The following ASXL3 variants were observed in gnomAD, a reference collection of about 807,000 sequenced individuals.
The protein encoded by ASXL3 is ASXL transcriptional regulator 3.
In ASXL3, 34 loss-of-function variants were observed where a neutral mutation model predicts 170.6. The observed-to-expected ratio is 0.20, with a 90% confidence interval of 0.15 to 0.27. ASXL3 has a LOEUF of 0.27. Among genes scored for constraint, ASXL3 ranks in the 10% least tolerant of loss-of-function variants. ASXL3 has a pLI of 1.00. For missense variants in ASXL3, 2,592 were observed against 2,695.3 expected, an observed-to-expected ratio of 0.96 and a Z score of 0.85; for synonymous variants, 1,002 against 989.1, an observed-to-expected ratio of 1.01 and a Z score of -0.24.
intron 4 of ASXL3, among the ~76,000 whole-genome samples, chr18:33,651,241 T>A (rs569895958): frequency 7.2e-5 from 11 of 152,180 alleles, no homozygotes; most frequent in Non-Finnish European, 1.5e-4. Flanking sequence ...AATTCAATAA[T>A]AGATTTCAGG....
chr18:33,729,691 T>C (rs1223648080), intron 8 of ASXL3, among the ~76,000 whole-genome samples: 1 of 152,132 alleles, frequency 6.6e-6, no homozygotes, highest in Non-Finnish European at 1.5e-5. Flanking sequence ...GCTGTGCCAG[T>C]CTCAAGCTGG....
intron 6 of ASXL3, among the ~76,000 whole-genome samples, chr18:33,671,505 A>G (rs536712867): frequency 1.3e-5 from 2 of 152,306 alleles, no homozygotes; most frequent in South Asian, 2.1e-4. Context: ...TTTAAAAGCT[A>G]TCAGATCAAT....
chr18:33,733,206 C>T (rs1045266128), intron 9 of ASXL3, among the ~76,000 whole-genome samples: 1 of 151,988 alleles, frequency 6.6e-6, no homozygotes, highest in African/African-American at 2.4e-5. Context: ...TTGCCTAATC[C>T]CCCTACTCCT....
intron 8 of ASXL3, among the ~76,000 whole-genome samples, chr18:33,706,906 A>G (rs1320196668): frequency 6.6e-6 from 1 of 151,870 alleles, no homozygotes; most frequent in Admixed American, 6.6e-5. Flanking sequence ...CTACATTTAG[A>G]TTTATATCTA....
At chr18:33,707,410 C>T (rs2066978677) in intron 8 of ASXL3, among the ~76,000 whole-genome samples, 1 of 151,824 alleles carries the variant, frequency 6.6e-6, no homozygotes, top group African/African-American at 2.4e-5. Flanking sequence ...TTTCATAGTT[C>T]CCTTAGGAAA....
intron 5 of ASXL3, among the ~76,000 whole-genome samples, chr18:33,668,790 A>G (rs2066297447): frequency 1.3e-5 from 2 of 152,098 alleles, no homozygotes; most frequent in South Asian, 2.1e-4. Flanking sequence ...ATTATTATTT[A>G]CCACAAATGC....
At chr18:33,592,121 C>T (rs564395555) in intron 1 of ASXL3, among the ~76,000 whole-genome samples, 11 of 152,026 alleles carry the variant, frequency 7.2e-5, no homozygotes, top group African/African-American at 1.4e-4. Flanking sequence ...AGGTGCTAGT[C>T]GTAGGCAGTT....
chr18:33,740,045 T>G lies in ASXL3; in HGVS notation c.2641T>G (p.Leu881Val). 1 of 1,613,860 alleles carries G rather than the reference T, an allele frequency of 6.2e-7. No homozygotes were observed. Among genetic ancestry groups the G allele is most frequent in the South Asian group, 1.1e-5 (1 of 91,072 alleles). ...RTEKKVLPSP[L>V]ELSVFSEGTD... ...AGAAAAAAAAGTGTTACCTTCACCA[T>G]TGGAATTATCTGTCTTTTCTGAAGG... Residue 881 changes from leucine (L) to valine (V), a missense_variant, in exon 11 of 12, where the codon TTG becomes GTG. Transcript: ENST00000269197.
intron 7 of ASXL3, among the ~76,000 whole-genome samples, chr18:33,676,068 CA>C (rs2066422942): frequency 6.6e-6 from 1 of 151,062 alleles, no homozygotes; most frequent in Admixed American, 6.6e-5. Context: ...ACTAAAACTA[CA>C]AAAAATTAGC....
intron 8 of ASXL3, among the ~76,000 whole-genome samples, chr18:33,723,270 C>T (rs2067292480): frequency 6.6e-6 from 1 of 152,222 alleles, no homozygotes; most frequent in South Asian, 2.1e-4. Flanking sequence ...TGGTTCTGAG[C>T]AAGGTGAATT....
chr18:33,622,157 TATATA>T (rs1379830297), intron 2 of ASXL3, among the ~76,000 whole-genome samples: 2 of 152,142 alleles, frequency 1.3e-5, no homozygotes, highest in East Asian at 3.9e-4. Context: ...TCAAATGCAG[TATATA>T]ATATATGTAA....
intron 7 of ASXL3, among the ~76,000 whole-genome samples, chr18:33,676,233 A>AAAAAAAAAAAAAAAAT (rs2066428745): frequency 6.7e-6 from 1 of 149,788 alleles, no homozygotes; most frequent in Non-Finnish European, 1.5e-5. Flanking sequence ...AAAAAAAAAA[A>AAAAAAAAAAAAAAAAT]AAAAAAAAAA....
intron 8 of ASXL3, among the ~76,000 whole-genome samples, chr18:33,717,583 G>C (rs892147459): frequency 4.6e-5 from 7 of 152,076 alleles, no homozygotes; most frequent in African/African-American, 1.7e-4. Context: ...ACAGAGCTGG[G>C]CTTAGTAGAC....
chr18:33,683,628 G>A (rs1477551838), intron 8 of ASXL3, 60 bp downstream of exon 8: 4 of 1,474,006 alleles, frequency 2.7e-6, no homozygotes, highest in South Asian at 2.7e-5. Context: ...TGAAGTGGAA[G>A]GTCTATTATC....
rs376578988 is a variant in ASXL3, at chr18:33,713,786, C to T, written c.880-18182C>T. On this transcript the variant is annotated intron_variant, in intron 8 of 11. Coordinates refer to ENST00000269197, the MANE Select transcript of ASXL3 (RefSeq NM_030632.3). ...ATATGGTAGAATATTGATGGAAATA[C>T]CACAAGCGGTAACTTCCATAACATA... 1.6e-4 allele frequency among the ~76,000 whole-genome samples: 24 copies of T among 152,236 alleles called. No individual in the cohort carries two copies. In the East Asian group the frequency reaches 4.6e-3, roughly 29 times the overall value.
chr18:33,658,317 A>G lies in ASXL3; in HGVS notation c.356-3299A>G, dbSNP rs2066114982. Among the ~76,000 whole-genome samples, 3 of 152,292 alleles carry G rather than the reference A, an allele frequency of 2.0e-5. 1 individual carries two copies. The highest frequency in any genetic ancestry group is 4.1e-4 in the South Asian group (2 of 4,830). On this transcript the variant is annotated intron_variant, in intron 4 of 11. Transcript: ENST00000269197. Reference sequence around the variant, plus strand: ...ATCTATTATTAAGAAAGCTGCAAGAATAAGTAAAAGTGAAAACCTTGCATT... The same window carrying G: ...ATCTATTATTAAGAAAGCTGCAAGAGTAAGTAAAAGTGAAAACCTTGCATT...
chr18:33,582,489 G>T lies in ASXL3; in HGVS notation c.54+3804G>T, dbSNP rs183368884. On this transcript the variant is annotated intron_variant, in intron 1 of 11. Transcript: ENST00000269197. The stretch of plus-strand genomic sequence containing the variant: ...TATCTTCATCACTTTGTTCTATAGG[G>T]AATGCTGCTTTTAAGATAATAGTTT... Among the ~76,000 whole-genome samples, 17 of 152,182 alleles carry T rather than the reference G, an allele frequency of 1.1e-4. No individual in the cohort carries two copies. The East Asian group carries it at 3.3e-3, about 29-fold the overall frequency.
Position 33,738,538 on chromosome 18 carries a change from C to A in ASXL3, c.1134C>A (p.Asn378Lys). 6.2e-7 allele frequency: 1 copy of A among 1,613,646 alleles called. No homozygotes were observed. The highest frequency in any genetic ancestry group is 8.5e-7 in the Non-Finnish European group (1 of 1,179,740). ...TGAAGCTCACTACTGGACCAAACAA[C>A]GCTGGAGCTCAAAGTAGTTCTTCAT... ...ESVKLTTGPN[N>K]AGAQSSSSCG... is the part of the protein sequence containing the mutation. The change falls in exon 11 of 12, where the codon AAC (asparagine) becomes AAA (lysine). Residue 378 changes from asparagine (N) to lysine (K), a missense_variant. By Grantham distance (94) the Asn-to-Lys change is moderately conservative. This residue lies in a region of ASXL3 where 2,246 missense variants were observed against 2,219.6 expected (regional missense o/e 1.01). Transcript: ENST00000269197.
In ASXL3 at chr18:33,739,059, A is replaced by T; in HGVS notation, c.1655A>T (p.His552Leu). ...ATTCCTTCCACTTCATCTATGACTC[A>T]TGTCAGTGACACAGAACATAAGGAG... ...SLIPSTSSMT[H>L]VSDTEHKESE... Residue 552 changes from histidine to leucine, a missense_variant, in exon 11 of 12, where the codon CAT becomes CTT. By Grantham distance (99) the His-to-Leu change is moderately conservative (BLOSUM62 -3). Coordinates refer to ENST00000269197, the MANE Select transcript of ASXL3 (RefSeq NM_030632.3). 1 of 1,613,450 alleles carries T rather than the reference A, an allele frequency of 6.2e-7. No homozygotes were observed. The highest frequency in any genetic ancestry group is 8.5e-7 in the Non-Finnish European group (1 of 1,179,632).
Sources: allele counts gnomAD v4.1 joint callset (sites outside exome capture counted in the v4.1 genomes callset), GRCh38; gene constraint gnomAD v4.1.1; regional missense constraint gnomAD v4.1.1; transcripts MANE v1.5; gene names NCBI Gene and HGNC (gene_info 2026-07-23, HGNC 2026-07-21).